TRPM3: variants seen among roughly 807,000 people sequenced by gnomAD.
The protein encoded by TRPM3 is long transient receptor potential channel 3.
In TRPM3, 77 loss-of-function variants were observed where a neutral mutation model predicts 181.2. The ratio of observed to expected loss-of-function variants is 0.42; its 90% CI spans 0.35 to 0.51. The LOEUF is 0.51. TRPM3 is among the 20% of genes least tolerant of loss of function. TRPM3 has a pLI of 0.01. For synonymous variants in TRPM3, 745 were observed against 796.4 expected (o/e 0.94, Z 1.09); for missense variants, 1,759 against 2,196.7 (o/e 0.80, Z 3.98).
At chr9:70,953,632 C>T (rs1038361681) in intron 1 of TRPM3, among the ~76,000 whole-genome samples, 2 of 152,084 alleles carry the variant, frequency 1.3e-5, no homozygotes, top group Admixed American at 6.6e-5. Context: ...AATTTGGTTA[C>T]AAACCCAAGA....
intron 1 of TRPM3, among the ~76,000 whole-genome samples, chr9:71,314,366 GTTTC>G (rs974839953): frequency 1.3e-5 from 2 of 152,118 alleles, no homozygotes; most frequent in South Asian, 2.1e-4. Flanking sequence ...CAACATTTAA[GTTTC>G]TTTCTCTTTC....
intron 1 of TRPM3, among the ~76,000 whole-genome samples, chr9:70,899,785 C>T (rs1303198764): frequency 1.3e-5 from 2 of 152,176 alleles, no homozygotes; most frequent in Non-Finnish European, 2.9e-5. Flanking sequence ...TAGGAACCCT[C>T]TCTGCTTTAT....
intron 1 of TRPM3, among the ~76,000 whole-genome samples, chr9:70,941,335 T>C (rs901287910): frequency 3.3e-5 from 5 of 152,122 alleles, no homozygotes; most frequent in Admixed American, 2.0e-4. Flanking sequence ...CATATCAGGC[T>C]CCAAGTTCTT....
intron 1 of TRPM3, among the ~76,000 whole-genome samples, chr9:71,134,538 A>G (rs113513268): frequency 0.021 from 2,481 of 120,626 alleles, 39 homozygotes; most frequent in South Asian, 0.048. Flanking sequence ...GTGACAGAGC[A>G]ATGCTCCATC....
At chr9:70,549,391 A>G (rs1004839612) in intron 25 of TRPM3, 151 bp downstream of exon 25, 8 of 978,748 alleles carry the variant, frequency 8.2e-6, no homozygotes, top group Non-Finnish European at 1.1e-5. Context: ...TACTTTGGGC[A>G]ATGTTCTGTT....
chr9:70,833,338 C>T (rs1047665226), intron 5 of TRPM3, among the ~76,000 whole-genome samples: 2 of 152,196 alleles, frequency 1.3e-5, no homozygotes, highest in Admixed American at 6.5e-5. Context: ...AATCCCAAAC[C>T]TCATTACCTA....
Position 71,434,458 on chromosome 9 carries a change from G to A in TRPM3, c.183+12195C>T, listed in dbSNP as rs11142828. On this transcript the variant is annotated intron_variant, in intron 1 of 24. Transcript: ENST00000357533. ...GACTTTGCAGCCTTCAATATGATAA[G>A]AAATAATTTTCTGATGTTTATAAAC... 2.0e-5 allele frequency among the ~76,000 whole-genome samples: 3 copies of A among 152,152 alleles called. No homozygotes were observed. The South Asian group carries it at 6.2e-4, about 32-fold the overall frequency.
chr9:71,151,103 T>C (rs1470128400), intron 1 of TRPM3, among the ~76,000 whole-genome samples: 4 of 152,312 alleles, frequency 2.6e-5, no homozygotes, highest in South Asian at 2.1e-4. Flanking sequence ...AGTGTGTGTG[T>C]GCGCGTGCAT....
At chr9:71,432,323 C>CT (rs67905820) in intron 1 of TRPM3, among the ~76,000 whole-genome samples, 6,800 of 75,772 alleles carry the variant, frequency 0.09, 158 homozygotes, top group African/African-American at 0.12. Context: ...AAAAGTAGGA[C>CT]TTTTTTTTTT....
At chr9:70,803,148 G>A (rs1268709443) in intron 6 of TRPM3, among the ~76,000 whole-genome samples, 2 of 151,688 alleles carry the variant, frequency 1.3e-5, no homozygotes, top group Admixed American at 6.6e-5. Flanking sequence ...GATGAGATGC[G>A]GAAGAAATGA....
At chr9:70,814,804 A>C (rs1177043960) in intron 6 of TRPM3, among the ~76,000 whole-genome samples, 1 of 151,198 alleles carries the variant, frequency 6.6e-6, no homozygotes, top group African/African-American at 2.4e-5. Context: ...AAGGCACCCA[A>C]CTCCTAGGCC....
intron 1 of TRPM3, among the ~76,000 whole-genome samples, chr9:71,399,632 C>G (rs1221706640): frequency 6.7e-6 from 1 of 148,510 alleles, no homozygotes; most frequent in African/African-American, 2.5e-5. Context: ...GGGTTCACAC[C>G]ATTATCCTGC....
intron 1 of TRPM3, among the ~76,000 whole-genome samples, chr9:70,913,083 T>C (rs1024205592): frequency 3.7e-4 from 56 of 152,194 alleles, no homozygotes; most frequent in African/African-American, 1.3e-3. Context: ...GAACAGGGCT[T>C]GTATGTACCA....
intron 1 of TRPM3, among the ~76,000 whole-genome samples, chr9:71,321,796 T>C (rs1366764861): frequency 1.3e-5 from 2 of 152,112 alleles, no homozygotes; most frequent in Non-Finnish European, 1.5e-5. Flanking sequence ...TATTGAGCAA[T>C]TAGTCCATGT....
intron 3 of TRPM3, among the ~76,000 whole-genome samples, chr9:70,858,251 T>C (rs1180225904): frequency 6.6e-6 from 1 of 152,158 alleles, no homozygotes; most frequent in Non-Finnish European, 1.5e-5. Context: ...ACCCAAGGCA[T>C]ATTAAATCAG....
intron 6 of TRPM3, among the ~76,000 whole-genome samples, chr9:70,823,108 T>C (rs1350671624): frequency 1.3e-5 from 2 of 152,130 alleles, no homozygotes; most frequent in African/African-American, 2.4e-5. Context: ...TGAGCCTCTC[T>C]GGGCTTCCCC....
chr9:71,081,149 T>C (rs1438236189), intron 1 of TRPM3, among the ~76,000 whole-genome samples: 3 of 152,182 alleles, frequency 2.0e-5, no homozygotes, highest in Non-Finnish European at 4.4e-5. Flanking sequence ...TTTATCAAAT[T>C]GAAATGTACT....
At chr9:70,671,127 A>G (rs1771807869) in intron 9 of TRPM3, among the ~76,000 whole-genome samples, 1 of 152,188 alleles carries the variant, frequency 6.6e-6, no homozygotes, top group South Asian at 2.1e-4. Flanking sequence ...CATCTATTAA[A>G]TAGATATCCC....
At chr9:70,876,026 C>T (rs2132626979) in intron 1 of TRPM3, among the ~76,000 whole-genome samples, 1 of 151,826 alleles carries the variant, frequency 6.6e-6, no homozygotes, top group East Asian at 1.9e-4. Context: ...CTCAACTGCT[C>T]CAAATAAAAA....
Sources: allele counts gnomAD v4.1 joint callset (sites outside exome capture counted in the v4.1 genomes callset), GRCh38; gene constraint gnomAD v4.1.1; transcripts MANE v1.5; gene names NCBI Gene and HGNC (gene_info 2026-07-23, HGNC 2026-07-21).